Variants in PCM1 observed in about 807,000 individuals in gnomAD.
PCM1 encodes pericentriolar material 1.
A neutral mutation model predicts 241.9 loss-of-function variants in PCM1; 157 were observed. That is an observed-to-expected ratio of 0.65 (90% CI 0.57 to 0.74). The LOEUF (loss-of-function observed/expected upper bound fraction) is 0.74, where lower values mean the gene tolerates loss of function less well. PCM1 is among the 30% of genes least tolerant of loss of function. The pLI is 0.00. For synonymous variants in PCM1, 1,085 were observed against 784.9 expected, an observed-to-expected ratio of 1.38 and a Z score of -6.39; for missense variants, 3,478 against 2,360.1, an observed-to-expected ratio of 1.47 and a Z score of -9.81.
intron 24 of PCM1, chr8:17,983,407 G>A: frequency 2.9e-6 from 1 of 349,462 alleles, no homozygotes; most frequent in South Asian, 2.8e-5. Flanking sequence ...TATATGTTAT[G>A]TGACTATTGT....
chr8:17,973,228 T>C (rs1327551725), intron 23 of PCM1, among the ~76,000 whole-genome samples: 3 of 152,218 alleles, frequency 2.0e-5, no homozygotes, highest in Non-Finnish European at 2.9e-5. Flanking sequence ...TTTAAAATTT[T>C]CTTTATGGTG....
chr8:18,020,206 C>G (rs1490408479), intron 36 of PCM1, among the ~76,000 whole-genome samples: 1 of 152,178 alleles, frequency 6.6e-6, no homozygotes, highest in Non-Finnish European at 1.5e-5. Flanking sequence ...TACTCAGAAA[C>G]GTGGAGGAAG....
intron 9 of PCM1, among the ~76,000 whole-genome samples, chr8:17,954,492 C>G (rs17635333): frequency 0.22 from 33,649 of 151,314 alleles, 4,397 homozygotes; most frequent in East Asian, 0.38. Flanking sequence ...AAGTCCTTGT[C>G]GTCAGTTTTG....
intron 38 of PCM1, among the ~76,000 whole-genome samples, chr8:18,027,023 C>A (rs1261287116): frequency 6.6e-6 from 1 of 152,192 alleles, no homozygotes; most frequent in African/African-American, 2.4e-5. Context: ...TCTGGAGCCA[C>A]TCAATGTTTC....
chr8:17,928,364 C>G (rs1227386461), intron 2 of PCM1, among the ~76,000 whole-genome samples: 1 of 152,160 alleles, frequency 6.6e-6, no homozygotes, highest in Non-Finnish European at 1.5e-5. Context: ...CTGTCTCACC[C>G]TCACATTTAA....
intron 31 of PCM1, 145 bp downstream of exon 31, chr8:18,009,889 A>G: frequency 2.1e-6 from 1 of 485,528 alleles, no homozygotes; most frequent in African/African-American, 2.0e-5. Context: ...GTCATTACAT[A>G]TGCTAGTCAC....
In PCM1 at chr8:17,984,171, G is replaced by A. The variant is rs375343307; in HGVS notation, c.4109-1276G>A. On this transcript the variant is annotated intron_variant, in intron 24 of 38. Transcript: ENST00000325083. ...TTAATTTTTAATGATACGCAATTTA[G>A]ATTGATAATTTTATCACATACAGAG... is the stretch of plus-strand genomic sequence containing the variant. Among the ~76,000 whole-genome samples, 193 of 152,150 alleles carry A rather than the reference G, an allele frequency of 1.3e-3. 2 individuals carry two copies. The South Asian group carries it at 0.039, about 31-fold the overall frequency.
chr8:17,995,121 T>A (rs1195534921), intron 29 of PCM1, among the ~76,000 whole-genome samples: 1 of 151,410 alleles, frequency 6.6e-6, no homozygotes, highest in Non-Finnish European at 1.5e-5. Context: ...TCCTGCAGAG[T>A]TTCCCCACTG....
In PCM1 at chr8:17,945,182, C is replaced by T. The variant is rs369339008; in HGVS notation, c.784-2004C>T. ...GGCTAGCTATTGATAATTATCCCTA[C>T]CCTTCAAAGTTGTTTTTTTCCTAAT... On this transcript the variant is annotated intron_variant, in intron 6 of 38. Transcript: ENST00000325083. Among the ~76,000 whole-genome samples the T allele has an allele frequency of 3.9e-5, 6 of 152,120 alleles. No homozygotes were observed. In the South Asian group the frequency reaches 6.3e-4, roughly 16 times the overall value.
At chr8:17,990,738 G>A (rs1055009735) in intron 27 of PCM1, among the ~76,000 whole-genome samples, 5 of 152,110 alleles carry the variant, frequency 3.3e-5, no homozygotes, top group African/African-American at 9.7e-5. Context: ...GTTTGTTCAC[G>A]TGATGAAGAG....
At chr8:17,948,033 AAG>A (rs920306484) in intron 7 of PCM1, among the ~76,000 whole-genome samples, 54 of 152,314 alleles carry the variant, frequency 3.5e-4, no homozygotes, top group African/African-American at 1.3e-3. Flanking sequence ...ATTGCAAAAA[AAG>A]ATGATTAGTT....
At chr8:18,006,237 T>G in intron 29 of PCM1, 26 bp from the exon 30 acceptor site, 1 of 1,566,866 alleles carries the variant, frequency 6.4e-7, no homozygotes, top group Non-Finnish European at 8.7e-7. Flanking sequence ...TAAGTTTATA[T>G]TCTAACCAAC....
intron 10 of PCM1, 44 bp from the exon 11 acceptor site, chr8:17,956,560 C>G (rs1396243570): frequency 8.1e-7 from 1 of 1,233,228 alleles, no homozygotes; most frequent in African/African-American, 1.5e-5. Flanking sequence ...TATTATTTTG[C>G]TAAAATGGGT....
intron 23 of PCM1, among the ~76,000 whole-genome samples, chr8:17,979,723 C>T (rs2129474892): frequency 6.6e-6 from 1 of 152,132 alleles, no homozygotes; most frequent in South Asian, 2.1e-4. Flanking sequence ...TACCATTTCT[C>T]CTGAGATTAA....
At chr8:17,968,437 A>G (rs145535118) in intron 21 of PCM1, among the ~76,000 whole-genome samples, 1 of 152,200 alleles carries the variant, frequency 6.6e-6, no homozygotes, top group African/African-American at 2.4e-5. Context: ...AGGCTGTCAT[A>G]ATAATATGGA....
chr8:17,930,616 C>G (rs1245804512), intron 2 of PCM1, among the ~76,000 whole-genome samples: 1 of 151,848 alleles, frequency 6.6e-6, no homozygotes, highest in East Asian at 2.0e-4. Context: ...CGGTGGCTCA[C>G]GCCTGTAATC....
At chr8:18,022,422 A>G (rs748915789) in intron 36 of PCM1, among the ~76,000 whole-genome samples, 28 of 152,248 alleles carry the variant, frequency 1.8e-4, no homozygotes, top group African/African-American at 3.9e-4. Flanking sequence ...AACCAAAGCA[A>G]TTGCTGGCCA....
Position 17,961,679 on chromosome 8 carries a change from T to G in PCM1, c.2323-355T>G, listed in dbSNP as rs374108938. On this transcript the variant is annotated intron_variant, in intron 15 of 38. Transcript: ENST00000325083. ...AGGAAAACAGGGCAACTGTGTTCAT[T>G]TTCTAAACCCTTGCCTTTCCTACTG... Among the ~76,000 whole-genome samples, 22 of 152,294 alleles carry G rather than the reference T, an allele frequency of 1.4e-4. 3 individuals are homozygous for G. The highest frequency in any genetic ancestry group is 6.5e-4 in the Admixed American group (10 of 15,298).
At chr8:17,998,718 C>T (rs2087949909) in intron 29 of PCM1, among the ~76,000 whole-genome samples, 1 of 152,192 alleles carries the variant, frequency 6.6e-6, no homozygotes, top group Non-Finnish European at 1.5e-5. Flanking sequence ...AGGGTTCCTA[C>T]TATTAGCAGG....
Sources: allele counts gnomAD v4.1 joint callset (sites outside exome capture counted in the v4.1 genomes callset), GRCh38; gene constraint gnomAD v4.1.1; transcripts MANE v1.5; gene names NCBI Gene and HGNC (gene_info 2026-07-23, HGNC 2026-07-21).